The following TNKS variants were observed in gnomAD, a reference collection of about 807,000 sequenced individuals.
TNKS encodes the protein tankyrase.
TNKS carries 72 observed loss-of-function variants against 135.8 expected under a neutral mutation model. The ratio of observed to expected loss-of-function variants is 0.53; its 90% confidence interval spans 0.44 to 0.64. The LOEUF (loss-of-function observed/expected upper bound fraction) is 0.64, where lower values mean the gene tolerates loss of function less well. Ranked by LOEUF, TNKS falls within the 30% of genes least tolerant of loss-of-function variation. The pLI is 0.00. For missense variants in TNKS, 1,769 were observed against 1,674.0 expected (o/e 1.06, Z -0.99); for synonymous variants, 849 against 649.3 (o/e 1.31, Z -4.68).
At chr8:9,647,160 A>G (rs903162608) in intron 3 of TNKS, among the ~76,000 whole-genome samples, 1 of 152,216 alleles carries the variant, frequency 6.6e-6, no homozygotes, top group Admixed American at 6.5e-5. Context: ...GCAAACACGC[A>G]TAGAAACAGA....
chr8:9,775,560 G>C (rs928638639), intron 26 of TNKS, among the ~76,000 whole-genome samples: 5 of 144,262 alleles, frequency 3.5e-5, no homozygotes, highest in African/African-American at 1.3e-4. Context: ...CTTGCTGAGA[G>C]CTTTTAGGAG....
chr8:9,761,662 A>AT (rs768795763), intron 21 of TNKS, 26 bp downstream of exon 21: 264 of 1,574,870 alleles, frequency 1.7e-4, no homozygotes, highest in Non-Finnish European at 2.0e-4. Flanking sequence ...AAAAAAAAAA[A>AT]TTTCAGAAAT....
intron 17 of TNKS, among the ~76,000 whole-genome samples, chr8:9,741,335 A>C (rs1248964970): frequency 6.6e-6 from 1 of 152,176 alleles, no homozygotes; most frequent in Non-Finnish European, 1.5e-5. Context: ...TGGTGGCCAT[A>C]GAATTATAAT....
At chr8:9,772,358 T>G (rs1563226804) in intron 26 of TNKS, 4 of 455,162 alleles carry the variant, frequency 8.8e-6, no homozygotes, top group South Asian at 4.7e-5. Flanking sequence ...AGGCTTATAT[T>G]ATCTCTCTAG....
At chr8:9,678,117 G>T (rs1040761050) in intron 3 of TNKS, among the ~76,000 whole-genome samples, 7 of 152,196 alleles carry the variant, frequency 4.6e-5, no homozygotes, top group Admixed American at 6.5e-5. Context: ...CTTGAGGTCA[G>T]AGATGATAGT....
intron 5 of TNKS, among the ~76,000 whole-genome samples, chr8:9,697,892 A>C (rs1206014670): frequency 1.3e-5 from 2 of 152,260 alleles, no homozygotes; most frequent in East Asian, 3.9e-4. Flanking sequence ...CAGCAATCCC[A>C]TTACTAGATC....
chr8:9,761,462 T>C (rs1807144131), intron 20 of TNKS, 54 bp from the exon 21 acceptor site: 9 of 1,585,872 alleles, frequency 5.7e-6, no homozygotes, highest in Non-Finnish European at 7.7e-6. Context: ...GAAAAGCTTT[T>C]GTCCTCTTAA....
intron 3 of TNKS, among the ~76,000 whole-genome samples, chr8:9,632,710 T>A (rs1462671248): frequency 6.6e-6 from 1 of 152,220 alleles, no homozygotes; most frequent in Non-Finnish European, 1.5e-5. Context: ...ACTTTTGGTT[T>A]AATGATGTTA....
chr8:9,738,783 G>T (rs1468005348), intron 17 of TNKS, among the ~76,000 whole-genome samples: 15 of 102,244 alleles, frequency 1.5e-4, no homozygotes, highest in African/African-American at 5.8e-4. Context: ...TATAATTTCT[G>T]TTCTTTTACA....
rs928912091 is a variant in TNKS, at chr8:9,779,761, C to A, written c.*3025C>A. ...GGCCTCATGCGCTTTGCTCAGAACA[C>A]TGCCGCTTTGTTAACAAATGACAGC... On this transcript the variant is annotated 3_prime_UTR_variant, in exon 27 of 27. Transcript: ENST00000310430. 1 of 152,208 alleles carries A rather than the reference C, an allele frequency of 6.6e-6. No individual in the cohort carries two copies. The highest frequency in any genetic ancestry group is 1.5e-5 in the Non-Finnish European group (1 of 68,042). The allele number at this position is 152,208 out of a possible 1,614,324, so 9.4% of individuals were successfully genotyped here. A position where few individuals can be genotyped will look rare whatever the true frequency, so the allele number is the denominator to read the frequency against.
In TNKS at chr8:9,556,572, C is replaced by T. The variant is rs768385149; in HGVS notation, c.633C>T (p.Asp211=). The T allele has an allele frequency of 1.1e-5, 18 of 1,613,916 alleles. 2 individuals carry two copies. In the South Asian group the frequency reaches 2.0e-4, roughly 18 times the overall value. The change falls in exon 1 of 27, where the codon GAC becomes GAT. Residue 211 remains aspartate, a synonymous_variant. Coordinates refer to ENST00000310430, the MANE Select transcript of TNKS (RefSeq NM_003747.3). ...ACGCGGCAAACGTAAATGCAAAGGA[C>T]ATGGCCGGCCGGAAGTCTTCTCCCC... The part of the protein sequence containing the change: ...LVDAANVNAK[D]MAGRKSSPLH...
intron 2 of TNKS, among the ~76,000 whole-genome samples, chr8:9,614,935 G>A (rs11249930): frequency 0.8 from 121,900 of 152,142 alleles, 49,108 homozygotes; most frequent in Middle Eastern, 0.88. Flanking sequence ...CATTACATTC[G>A]TGCCTTAGGA....
chr8:9,658,967 C>A (rs201460164), intron 3 of TNKS, among the ~76,000 whole-genome samples: 1 of 152,120 alleles, frequency 6.6e-6, no homozygotes, highest in Non-Finnish European at 1.5e-5. Flanking sequence ...TTAAACCAAC[C>A]AAGATCAAAA....
At chr8:9,672,583 T>C (rs1011767604) in intron 3 of TNKS, among the ~76,000 whole-genome samples, 11 of 150,896 alleles carry the variant, frequency 7.3e-5, no homozygotes, top group African/African-American at 2.7e-4. Flanking sequence ...ATTGCCAAGT[T>C]GTTTTGGATC....
chr8:9,623,258 A>T (rs553030542), intron 3 of TNKS, among the ~76,000 whole-genome samples: 44 of 152,180 alleles, frequency 2.9e-4, no homozygotes, highest in Non-Finnish European at 6.0e-4. Context: ...TCTGTATGGA[A>T]AGATGTAGTA....
At chr8:9,751,953 CTG>C (rs1485533951) in intron 19 of TNKS, 107 bp downstream of exon 19, 4 of 989,766 alleles carry the variant, frequency 4.0e-6, no homozygotes, top group African/African-American at 1.6e-5. Flanking sequence ...GACGTCCTGT[CTG>C]TAAATTTTCA....
Position 9,556,429 on chromosome 8 carries a change from C to T in TNKS, c.490C>T (p.Pro164Ser), listed in dbSNP as rs1815307840. Residue 164 changes from proline to serine, a missense_variant, in exon 1 of 27, where the codon CCA (proline) becomes TCA (serine). Transcript: ENST00000310430. ...GGCGGCCGGAGTTAGCAGCACAGCA[C>T]CACTGGGGCCTGGGGCAGCAGGACC... ...PEAAGVSSTA[P>S]LGPGAAGPGT... 3 of 1,614,050 alleles carry T rather than the reference C, an allele frequency of 1.9e-6. No individual in the cohort carries two copies. The highest frequency in any genetic ancestry group is 2.2e-5 in the South Asian group (2 of 91,090).
chr8:9,773,180 G>GTGAT (rs1446034978), intron 26 of TNKS, among the ~76,000 whole-genome samples: 1 of 151,790 alleles, frequency 6.6e-6, no homozygotes. Flanking sequence ...GGAATAATCA[G>GTGAT]TGATAGTCAC....
At chr8:9,561,143 G>A (rs1797317293) in intron 1 of TNKS, among the ~76,000 whole-genome samples, 1 of 152,130 alleles carries the variant, frequency 6.6e-6, no homozygotes, top group African/African-American at 2.4e-5. Flanking sequence ...ATTAAAGCAT[G>A]TGAGTGTAAA....
Sources: allele counts gnomAD v4.1 joint callset (sites outside exome capture counted in the v4.1 genomes callset), GRCh38; gene constraint gnomAD v4.1.1; transcripts MANE v1.5; gene names NCBI Gene and HGNC (gene_info 2026-07-23, HGNC 2026-07-21).